ACADL: variants seen among roughly 807,000 people sequenced by gnomAD.
The protein encoded by ACADL is long-chain specific acyl-CoA dehydrogenase, mitochondrial.
Under a neutral mutation model 56.9 loss-of-function variants are expected in ACADL, and 60 were observed. The observed-to-expected ratio is 1.05, with a 90% CI of 0.86 to 1.31. ACADL has a LOEUF of 1.31. ACADL is among the 50% of genes most tolerant of loss of function. The pLI is 0.00. For synonymous variants in ACADL, 158 were observed against 179.7 expected (o/e 0.88, Z 0.97); for missense variants, 484 against 525.5 (o/e 0.92, Z 0.77).
At chr2:210,225,099 C>G in intron 1 of ACADL, 88 bp downstream of exon 1, 8 of 1,523,246 alleles carry the variant, frequency 5.3e-6, no homozygotes, top group Non-Finnish European at 7.0e-6. Flanking sequence ...CGCGCACCGC[C>G]CTGCTTCAAG....
At chr2:210,222,093 T>C (rs1053658930) in intron 1 of ACADL, among the ~76,000 whole-genome samples, 1 of 152,198 alleles carries the variant, frequency 6.6e-6, no homozygotes, top group African/African-American at 2.4e-5. Context: ...TTCATTCATT[T>C]AGTTAGCAAA....
Position 210,220,813 on chromosome 2 carries a change from T to A in ACADL, c.78-11A>T, listed in dbSNP as rs1254179178. 4 of 1,577,900 alleles carry A rather than the reference T, an allele frequency of 2.5e-6. No homozygotes were observed. The Admixed American group carries it at 6.9e-5, about 27-fold the overall frequency. On this transcript the variant is annotated splice_polypyrimidine_tract_variant and intron_variant, in intron 1 of 10. Coordinates refer to ENST00000233710, the MANE Select transcript of ACADL (RefSeq NM_001608.4). ...CCGGAATGAGAACATCTTAAAAATA[T>A]ATATATGCAATAGGAAAAGTAAGTG...
Position 210,207,958 on chromosome 2 carries a change from CA to C in ACADL, c.604-2163del, listed in dbSNP as rs1458642931. Among the ~76,000 whole-genome samples the C allele has an allele frequency of 2.0e-5, 3 of 152,072 alleles. No individual in the cohort carries two copies. In the East Asian group the frequency reaches 5.8e-4, roughly 29 times the overall value. On this transcript the variant is annotated intron_variant, in intron 5 of 10. Transcript: ENST00000233710. Reference sequence around the variant, plus strand: ...AATATATTTTGAAAAAGATGTTCCTCAAAAAAATTCTATACAACTTGGCAAA... The same window carrying C: ...AATATATTTTGAAAAAGATGTTCCTCAAAAAATTCTATACAACTTGGCAAA...
intron 2 of ACADL, 48 bp from the exon 3 acceptor site, chr2:210,218,150 TA>T (rs1445957740): frequency 1.3e-6 from 2 of 1,516,650 alleles, no homozygotes; most frequent in African/African-American, 2.8e-5. Context: ...AAATATTATT[TA>T]AATGGCCACA....
rs1688879425 is a variant in ACADL, at chr2:210,205,835, A to G, written c.604-39T>C. 8.7e-6 allele frequency: 14 copies of G among 1,608,340 alleles called. No homozygotes were observed. In the South Asian group the frequency reaches 1.3e-4, roughly 15 times the overall value. Reference sequence around the variant, plus strand: ...AGTACATTATTAATGCACCATGATAATTCAATTCTATGTGCAAGTTATGAT... The same window carrying G: ...AGTACATTATTAATGCACCATGATAGTTCAATTCTATGTGCAAGTTATGAT... On this transcript the variant is annotated intron_variant, in intron 5 of 10. Transcript: ENST00000233710.
rs1052012684 is a variant in ACADL at position 210,224,689 on chromosome 2, C to A, written c.77+498G>T. 8 of 986,374 alleles carry A rather than the reference C, an allele frequency of 8.1e-6. No homozygotes were observed. The African/African-American group carries it at 1.2e-4, about 15-fold the overall frequency. The allele number at this position is 986,374 out of a possible 1,614,324, so 61.1% of individuals were successfully genotyped here. A position where few individuals can be genotyped will look rare whatever the true frequency, so the allele number is the denominator to read the frequency against. Reference sequence around the variant, plus strand: ...CCAGTTTGTCCTGGACAATTCTGGTCCGCGCCGCAGCCCGGGCACTGAGTC... The same window carrying A: ...CCAGTTTGTCCTGGACAATTCTGGTACGCGCCGCAGCCCGGGCACTGAGTC... On this transcript the variant is annotated intron_variant, in intron 1 of 10. Transcript: ENST00000233710.
At chr2:210,225,138 C>A (rs1016618736) in intron 1 of ACADL, 49 bp downstream of exon 1, 1 of 1,527,646 alleles carries the variant, frequency 6.5e-7, no homozygotes, top group African/African-American at 1.4e-5. Context: ...CGCTGCCCCA[C>A]CCCACAGCCT....
chr2:210,219,414 T>C (rs150465454), intron 2 of ACADL, among the ~76,000 whole-genome samples: 1 of 152,224 alleles, frequency 6.6e-6, no homozygotes, highest in Non-Finnish European at 1.5e-5. Flanking sequence ...CAGTGAGCTA[T>C]GATCATGCCC....
rs1553691051 is a variant in ACADL, at chr2:210,214,513, G to GAAAGAAAGAAAGAA, written c.536+1820_536+1833dup. 5.4e-3 allele frequency among the ~76,000 whole-genome samples: 801 copies of GAAAGAAAGAAAGAA among 147,686 alleles called. 5 individuals carry two copies. Among genetic ancestry groups the GAAAGAAAGAAAGAA allele is most frequent in the South Asian group, 0.013 (60 of 4,602 alleles). ...AAAGAAAGAAAGAAAGAAAGAAAAA[G>GAAAGAAAGAAAGAA]AAAGAAAGAAAGAAAGAAATCTGCT... On this transcript the variant is annotated intron_variant, in intron 4 of 10. Coordinates refer to ENST00000233710, the MANE Select transcript of ACADL (RefSeq NM_001608.4).
At chr2:210,216,634 T>A (rs1439705233) in intron 3 of ACADL, 123 bp from the exon 4 acceptor site, 1 of 881,734 alleles carries the variant, frequency 1.1e-6, no homozygotes, top group Non-Finnish European at 1.7e-6. Flanking sequence ...CACAAACCTA[T>A]GACATTCCTG....
At chr2:210,190,227 T>G (rs1178056775) in intron 10 of ACADL, among the ~76,000 whole-genome samples, 1 of 152,148 alleles carries the variant, frequency 6.6e-6, no homozygotes, top group Non-Finnish European at 1.5e-5. Flanking sequence ...CAAAGGAAAT[T>G]TACAATCTCA....
At chr2:210,198,250 GAGGTTATCT>G (rs149149630) in intron 8 of ACADL, among the ~76,000 whole-genome samples, 2,582 of 152,240 alleles carry the variant, frequency 0.017, 76 homozygotes, top group African/African-American at 0.059. Flanking sequence ...ACACCTTGGA[GAGGTTATCT>G]AGCCCAGTAT....
intron 2 of ACADL, among the ~76,000 whole-genome samples, 183 bp from the exon 3 acceptor site, chr2:210,218,285 CTT>C (rs35116912): frequency 1.6e-4 from 15 of 95,364 alleles, no homozygotes; most frequent in African/African-American, 3.3e-4. Flanking sequence ...CTTTTTTCTG[CTT>C]TTTTTTTTTT....
At chr2:210,209,831 G>C (rs1181718406) in intron 5 of ACADL, 1 of 186,166 alleles carries the variant, frequency 5.4e-6, no homozygotes, top group African/African-American at 2.4e-5. Flanking sequence ...AATTCTTCTT[G>C]ATCTATATGA....
chr2:210,208,572 CAG>C (rs1688928024), intron 5 of ACADL, among the ~76,000 whole-genome samples: 1 of 151,952 alleles, frequency 6.6e-6, no homozygotes, highest in Non-Finnish European at 1.5e-5. Context: ...TATAAAATAA[CAG>C]AAAATCATTG....
chr2:210,196,229 C>A (rs1042033682), intron 8 of ACADL, among the ~76,000 whole-genome samples: 1 of 151,394 alleles, frequency 6.6e-6, no homozygotes, highest in Non-Finnish European at 1.5e-5. Flanking sequence ...ATGAGGCCTC[C>A]CCAGCCATGT....
intron 1 of ACADL, among the ~76,000 whole-genome samples, chr2:210,223,175 C>T (rs1054391638): frequency 3.3e-5 from 5 of 152,090 alleles, no homozygotes; most frequent in African/African-American, 1.2e-4. Context: ...ACTTTCAGGT[C>T]AGTCAAAGGT....
At chr2:210,214,437 A>G (rs562975430) in intron 4 of ACADL, among the ~76,000 whole-genome samples, 1 of 113,346 alleles carries the variant, frequency 8.8e-6, no homozygotes, top group African/African-American at 3.1e-5. Flanking sequence ...TATTTACTAT[A>G]TCCTCTCATG....
At chr2:210,201,751 TTATAAAC>T (rs1198195151) in intron 8 of ACADL, among the ~76,000 whole-genome samples, 1 of 151,990 alleles carries the variant, frequency 6.6e-6, no homozygotes, top group Non-Finnish European at 1.5e-5. Flanking sequence ...CATGAAGGAA[TTATAAAC>T]TATTCCTTCA....
Sources: allele counts gnomAD v4.1 joint callset (sites outside exome capture counted in the v4.1 genomes callset), GRCh38; gene constraint gnomAD v4.1.1; transcripts MANE v1.5; gene names NCBI Gene and HGNC (gene_info 2026-07-23, HGNC 2026-07-21).